KIF4A: variants seen among roughly 807,000 people sequenced by gnomAD.
The protein encoded by KIF4A is kinesin family member 4A.
KIF4A carries 7 observed loss-of-function variants against 105.9 expected under a neutral mutation model. The observed-to-expected ratio is 0.07, with a 90% confidence interval of 0.04 to 0.12. The LOEUF (loss-of-function observed/expected upper bound fraction) is 0.12, where lower values mean the gene tolerates loss of function less well. KIF4A is among the 10% of genes least tolerant of loss of function. KIF4A has a pLI of 1.00. For missense variants in KIF4A, 558 were observed against 929.2 expected, an observed-to-expected ratio of 0.60 and a Z score of 5.19; for synonymous variants, 281 against 331.3, an observed-to-expected ratio of 0.85 and a Z score of 1.65.
chrX:70,347,479 C>T (rs957986302), intron 13 of KIF4A, among the ~76,000 whole-genome samples: 3 of 111,608 alleles, frequency 2.7e-5, no homozygotes, highest in African/African-American at 9.8e-5. Flanking sequence ...CAAAGATAAA[C>T]CCAGAGTAAC....
intron 20 of KIF4A, among the ~76,000 whole-genome samples, chrX:70,388,785 T>C (rs1025338715): frequency 7.1e-5 from 8 of 112,632 alleles, no homozygotes; most frequent in Non-Finnish European, 1.1e-4. Flanking sequence ...TTATATATTC[T>C]AGATATATTT....
chrX:70,300,880 T>G (rs1315585657), intron 5 of KIF4A, among the ~76,000 whole-genome samples: 1 of 111,829 alleles, frequency 8.9e-6, no homozygotes, highest in Non-Finnish European at 1.9e-5. Context: ...AGTAGGTTGG[T>G]GACATTTTAG....
intron 7 of KIF4A, among the ~76,000 whole-genome samples, chrX:70,329,187 A>G (rs1322133905): frequency 8.9e-6 from 1 of 112,243 alleles, no homozygotes; most frequent in African/African-American, 3.2e-5. Context: ...GGAAAGGGCA[A>G]GAAGTGCCAG....
At chrX:70,386,044 C>T (rs1255830788) in intron 18 of KIF4A, among the ~76,000 whole-genome samples, 1 of 110,549 alleles carries the variant, frequency 9.0e-6, no homozygotes, top group Non-Finnish European at 1.9e-5. Flanking sequence ...TTAGAGCCCC[C>T]AATGTCTATT....
intron 3 of KIF4A, among the ~76,000 whole-genome samples, chrX:70,295,046 A>AGAGT (rs2085776046): frequency 8.9e-6 from 1 of 112,702 alleles, no homozygotes; most frequent in African/African-American, 3.2e-5. Flanking sequence ...CCTGGGTGAC[A>AGAGT]GAGTGAGACC....
chrX:70,342,979 A>C (rs1040550809), intron 11 of KIF4A, among the ~76,000 whole-genome samples: 2 of 112,480 alleles, frequency 1.8e-5, no homozygotes, highest in African/African-American at 6.5e-5. Flanking sequence ...TTTTTGTCCT[A>C]TATAAACGAT....
chrX:70,353,514 A>G, intron 14 of KIF4A, 108 bp from the exon 15 acceptor site: 1 of 644,947 alleles, frequency 1.6e-6, no homozygotes. Flanking sequence ...TTGTAAAGGA[A>G]CAGAGATATT....
At position 70,420,444 on chromosome X, in the gene KIF4A, A is replaced by G; in HGVS notation, c.*179A>G. 1.6e-6 allele frequency: 1 copy of G among 613,155 alleles called. No homozygotes were observed. The highest frequency in any genetic ancestry group is 2.3e-5 in the African/African-American group (1 of 44,265). The allele number at this position is 613,155 out of a possible 1,213,427, so 50.5% of individuals were successfully genotyped here. A position where few individuals can be genotyped will look rare whatever the true frequency, so the allele number is the denominator to read the frequency against. On this transcript the variant is annotated 3_prime_UTR_variant, in exon 31 of 31. Coordinates refer to ENST00000374403, the MANE Select transcript of KIF4A (RefSeq NM_012310.5). ...GATGTGGGCCTTAGCCTCCAGGTCC[A>G]GACTACTACTCTATGTTCTCCAGAA... is the stretch of plus-strand genomic sequence containing the variant.
chrX:70,320,192 T>C (rs1481752938), intron 7 of KIF4A, among the ~76,000 whole-genome samples: 2 of 111,660 alleles, frequency 1.8e-5, no homozygotes, highest in Non-Finnish European at 3.8e-5. Flanking sequence ...AGTTCTTCCT[T>C]AGCACCATGG....
At chrX:70,322,092 C>G (rs1263986223) in intron 7 of KIF4A, among the ~76,000 whole-genome samples, 1 of 109,983 alleles carries the variant, frequency 9.1e-6, no homozygotes, top group Non-Finnish European at 1.9e-5. Flanking sequence ...CACCCTCCCC[C>G]CCCAAAGTGG....
intron 28 of KIF4A, among the ~76,000 whole-genome samples, chrX:70,409,794 C>CA (rs780576920): frequency 0.05 from 2,096 of 41,868 alleles, 89 homozygotes; most frequent in East Asian, 0.25. Flanking sequence ...AAGACTGTCT[C>CA]AAAAAAAAAA....
intron 7 of KIF4A, among the ~76,000 whole-genome samples, chrX:70,310,348 T>TGTGTGTGTGTGTGCGC (rs56051172): frequency 9.3e-6 from 1 of 107,502 alleles, no homozygotes; most frequent in African/African-American, 3.5e-5. Context: ...TGTGTGTGTG[T>TGTGTGTGTGTGTGCGC]GCCTGGATTC....
At chrX:70,320,244 A>G (rs1042829334) in intron 7 of KIF4A, among the ~76,000 whole-genome samples, 49 of 111,895 alleles carry the variant, frequency 4.4e-4, no homozygotes, top group African/African-American at 1.6e-3. Context: ...CCACCTCTAC[A>G]AAGTCCATGC....
chrX:70,345,961 A>G (rs2085990963), intron 13 of KIF4A, among the ~76,000 whole-genome samples: 1 of 111,711 alleles, frequency 9.0e-6, no homozygotes, highest in Non-Finnish European at 1.9e-5. Flanking sequence ...GGAAGGCATC[A>G]TAGAAGAAAC....
At chrX:70,321,940 C>T (rs1324367189) in intron 7 of KIF4A, among the ~76,000 whole-genome samples, 3 of 110,576 alleles carry the variant, frequency 2.7e-5, no homozygotes, top group Non-Finnish European at 5.7e-5. Flanking sequence ...TGTGATGCTA[C>T]CCTCTCCTGA....
At chrX:70,316,758 G>A (rs1337398793) in intron 7 of KIF4A, among the ~76,000 whole-genome samples, 1 of 111,781 alleles carries the variant, frequency 8.9e-6, no homozygotes, top group Admixed American at 9.5e-5. Context: ...AGTAACCACT[G>A]TCCAGACTTT....
intron 7 of KIF4A, among the ~76,000 whole-genome samples, chrX:70,318,917 C>T (rs1415844639): frequency 8.9e-6 from 1 of 112,075 alleles, no homozygotes; most frequent in East Asian, 2.8e-4. Context: ...TTGCACATAT[C>T]TTCTCCCTCC....
chrX:70,392,832 G>A (rs1316913714), intron 20 of KIF4A, among the ~76,000 whole-genome samples: 1 of 105,131 alleles, frequency 9.5e-6, no homozygotes, highest in Non-Finnish European at 1.9e-5. Context: ...TTTCCACTCT[G>A]ATCTTATAAT....
chrX:70,313,719 T>C (rs761055182), intron 7 of KIF4A, among the ~76,000 whole-genome samples: 1 of 112,631 alleles, frequency 8.9e-6, no homozygotes, highest in Admixed American at 9.4e-5. Flanking sequence ...TTGTGGTTTC[T>C]GATCCACCAG....
Sources: gnomAD v4.1 joint callset for allele counts (sites outside exome capture counted in the v4.1 genomes callset) on GRCh38, gnomAD v4.1.1 for gene constraint, MANE v1.5 for transcripts, NCBI Gene and HGNC (gene_info 2026-07-23, HGNC 2026-07-21) for gene names.